The following LIMCH1 variants were observed in gnomAD, a reference collection of about 807,000 sequenced individuals.
LIMCH1 encodes LIM and calponin homology domains 1.
In LIMCH1, 113 loss-of-function variants were observed where a neutral mutation model predicts 176.5. That is an observed-to-expected ratio of 0.64 (90% CI 0.55 to 0.75). LIMCH1 has a LOEUF of 0.75. LIMCH1 is among the 30% of genes least tolerant of loss of function. LIMCH1 has a pLI of 0.00. For synonymous variants in LIMCH1, 619 were observed against 645.9 expected, an observed-to-expected ratio of 0.96 and a Z score of 0.63; for missense variants, 1,674 against 1,814.9, an observed-to-expected ratio of 0.92 and a Z score of 1.41.
upstream of LIMCH1, among the ~76,000 whole-genome samples, chr4:41,534,111 G>A (rs1352675491): frequency 1.3e-5 from 2 of 152,258 alleles, no homozygotes; most frequent in South Asian, 4.1e-4. Context: ...GCTGATTATG[G>A]CAAGATACCA....
In LIMCH1 at chr4:41,662,893, C is replaced by T. The variant is rs946513708; in HGVS notation, c.3200C>T (p.Pro1067Leu). ...TVAFVEFPSSPQLKNDVSEEK... is the reference protein window; with the variant it reads ...TVAFVEFPSSLQLKNDVSEEK... ...GCCTTTGTGGAATTTCCCTCCAGCCCCCAGCTGAAGAATGATGTGTCGGAA... is the reference window on the plus strand; with the variant it reads ...GCCTTTGTGGAATTTCCCTCCAGCCTCCAGCTGAAGAATGATGTGTCGGAA... Residue 1067 changes from proline to leucine, a missense_variant, in exon 20 of 32, where the codon CCC becomes CTC. Around this residue, in one of 3 missense-constraint regions of LIMCH1, gnomAD observed 1,015 missense variants for 1,102.5 expected, o/e 0.92. Transcript: ENST00000503057. 3 of 1,613,974 alleles carry T rather than the reference C, an allele frequency of 1.9e-6. No homozygotes were observed. Among genetic ancestry groups the T allele is most frequent in the Admixed American group, 1.7e-5 (1 of 59,978 alleles).
At chr4:41,491,842 C>CCCAGAT (rs1561534241) in intron 1 of LIMCH1, among the ~76,000 whole-genome samples, 32 of 143,588 alleles carry the variant, frequency 2.2e-4, no homozygotes, top group South Asian at 4.6e-4. Flanking sequence ...ACTTCCCATT[C>CCCAGAT]GGGGCAGCCG....
Position 41,650,381 on chromosome 4 carries a change from T to C in LIMCH1, c.2821-12T>C, listed in dbSNP as rs760612127. The C allele has an allele frequency of 4.4e-6, 7 of 1,608,872 alleles. No individual in the cohort carries two copies. Among genetic ancestry groups the C allele is most frequent in the Non-Finnish European group, 6.0e-6 (7 of 1,175,314 alleles). Reference sequence around the variant, plus strand: ...TATATAGCATGTTTTTTGTTCATTCTGGCTTTTATAGGTAGACGGGAAAGT... The same window carrying C: ...TATATAGCATGTTTTTTGTTCATTCCGGCTTTTATAGGTAGACGGGAAAGT... On this transcript the variant is annotated splice_polypyrimidine_tract_variant and intron_variant, in intron 17 of 31. Transcript: ENST00000503057.
At chr4:41,690,794 A>G (rs1003024970) in intron 30 of LIMCH1, among the ~76,000 whole-genome samples, 1 of 152,228 alleles carries the variant, frequency 6.6e-6, no homozygotes, top group Non-Finnish European at 1.5e-5. Context: ...GATTTCATTT[A>G]TCAAAAGTAT....
chr4:41,598,582 C>G (rs2089354356), intron 1 of LIMCH1, among the ~76,000 whole-genome samples: 1 of 152,038 alleles, frequency 6.6e-6, no homozygotes, highest in South Asian at 2.1e-4. Flanking sequence ...TTCTAGGCAA[C>G]AAGACATGGA....
chr4:41,674,182 C>T (rs2095141881), intron 22 of LIMCH1, among the ~76,000 whole-genome samples: 1 of 152,044 alleles, frequency 6.6e-6, no homozygotes, highest in African/African-American at 2.4e-5. Flanking sequence ...GTGCTCAATC[C>T]CCCCACCCCA....
At chr4:41,464,961 T>C (rs1435310485) in intron 1 of LIMCH1, among the ~76,000 whole-genome samples, 3 of 152,220 alleles carry the variant, frequency 2.0e-5, no homozygotes, top group Admixed American at 6.5e-5. Context: ...AACCCTCTAC[T>C]ACTGAATTTA....
chr4:41,368,127 TTGAAA>T (rs1190830715), intron 1 of LIMCH1, among the ~76,000 whole-genome samples: 19 of 152,232 alleles, frequency 1.2e-4, no homozygotes, highest in Non-Finnish European at 2.5e-4. Flanking sequence ...CTTATTCCAA[TTGAAA>T]TGGAATGAAA....
chr4:41,500,875 G>A (rs1344905800), intron 2 of LIMCH1, among the ~76,000 whole-genome samples: 1 of 152,188 alleles, frequency 6.6e-6, no homozygotes, highest in Non-Finnish European at 1.5e-5. Context: ...TGGGGTCAGT[G>A]GAGGATGGAG....
chr4:41,599,201 G>A, intron 2 of LIMCH1, 175 bp downstream of exon 2: 1 of 482,656 alleles, frequency 2.1e-6, no homozygotes. Context: ...TCTGTGCATA[G>A]CTTTCATTCT....
At chr4:41,679,928 A>G in intron 23 of LIMCH1, 78 bp from the exon 24 acceptor site, 4 of 843,316 alleles carry the variant, frequency 4.7e-6, no homozygotes, top group Non-Finnish European at 5.9e-6. Flanking sequence ...CATATTGTAC[A>G]TGGTGGTTTA....
intron 1 of LIMCH1, among the ~76,000 whole-genome samples, chr4:41,566,826 T>C (rs931237845): frequency 6.6e-6 from 1 of 152,232 alleles, no homozygotes; most frequent in East Asian, 1.9e-4. Flanking sequence ...GAGTTTTCTA[T>C]CACATACAGA....
chr4:41,675,518 G>A (rs911029002), intron 22 of LIMCH1, among the ~76,000 whole-genome samples: 1 of 150,314 alleles, frequency 6.7e-6, no homozygotes, highest in African/African-American at 2.5e-5. Context: ...TACCCCATCA[G>A]AACAAAGGGA....
chr4:41,584,392 A>G (rs2086075578), intron 1 of LIMCH1, among the ~76,000 whole-genome samples: 1 of 152,220 alleles, frequency 6.6e-6, no homozygotes, highest in South Asian at 2.1e-4. Flanking sequence ...ATGTGAAAAT[A>G]CAAACTGTGT....
At chr4:41,639,050 A>T (rs1293096072) in intron 14 of LIMCH1, 83 bp downstream of exon 14, 7 of 1,035,182 alleles carry the variant, frequency 6.8e-6, no homozygotes, top group Non-Finnish European at 9.8e-6. Context: ...ATTGAAATGC[A>T]ACTGATGCAA....
intron 1 of LIMCH1, among the ~76,000 whole-genome samples, chr4:41,544,881 A>G (rs372120738): frequency 6.6e-6 from 1 of 152,192 alleles, no homozygotes; most frequent in African/African-American, 2.4e-5. Flanking sequence ...GGACTCCCCA[A>G]CTTGCCTAAG....
intron 1 of LIMCH1, among the ~76,000 whole-genome samples, chr4:41,373,061 A>G (rs2054212968): frequency 6.6e-6 from 1 of 152,178 alleles, no homozygotes; most frequent in African/African-American, 2.4e-5. Flanking sequence ...TCCACCTGGA[A>G]GGATGGACGC....
intron 4 of LIMCH1, among the ~76,000 whole-genome samples, chr4:41,610,986 C>G (rs2091348782): frequency 6.6e-6 from 1 of 152,218 alleles, no homozygotes; most frequent in South Asian, 2.1e-4. Context: ...GAAGTGCTCA[C>G]TGGAACATTT....
chr4:41,543,112 T>A (rs970608784), intron 1 of LIMCH1, among the ~76,000 whole-genome samples: 1 of 152,188 alleles, frequency 6.6e-6, no homozygotes, highest in African/African-American at 2.4e-5. Flanking sequence ...CATGGAACTA[T>A]GTCTAAGAGA....
Sources: gnomAD v4.1 joint callset for allele counts (sites outside exome capture counted in the v4.1 genomes callset) on GRCh38, gnomAD v4.1.1 for gene constraint, gnomAD v4.1.1 regional missense constraint, MANE v1.5 for transcripts, NCBI Gene and HGNC (gene_info 2026-07-23, HGNC 2026-07-21) for gene names.